LSM14A: variants seen among roughly 807,000 people sequenced by gnomAD.
LSM14A encodes the protein LSM14A mRNA processing body assembly factor, also known as protein LSM14 homolog A.
LSM14A carries 14 observed loss-of-function variants against 52.4 expected under a neutral mutation model. The ratio of observed to expected loss-of-function variants is 0.27; its 90% CI spans 0.18 to 0.42. The LOEUF (loss-of-function observed/expected upper bound fraction) is 0.42, where lower values mean the gene tolerates loss of function less well. LSM14A is among the 10% of genes least tolerant of loss of function. The pLI is 1.00. For synonymous variants in LSM14A, 185 were observed against 200.3 expected (o/e 0.92, Z 0.64); for missense variants, 417 against 581.8 (o/e 0.72, Z 2.91).
chr19:34,174,838 T>C (rs538671148), intron 1 of LSM14A, among the ~76,000 whole-genome samples: 1 of 152,356 alleles, frequency 6.6e-6, no homozygotes, highest in African/African-American at 2.4e-5. Context: ...CTAATCTGAA[T>C]TTAAAAGTGT....
chr19:34,199,836 T>C (rs2071160462), intron 3 of LSM14A, among the ~76,000 whole-genome samples: 1 of 152,244 alleles, frequency 6.6e-6, no homozygotes, highest in Non-Finnish European at 1.5e-5. Context: ...TGCCATTTTC[T>C]AATCTCAGTA....
rs2071928288 is a variant in LSM14A, at chr19:34,209,031, T to A, written c.518T>A (p.Leu173Gln). Residue 173 changes from leucine (L) to glutamine (Q), a missense_variant, in exon 4 of 10, where the codon CTA (leucine) becomes CAA (glutamine). Physicochemically the swap from Leu to Gln is moderately radical, Grantham distance 113. This residue lies in a region of LSM14A where 357 missense variants were observed against 457.0 expected (regional missense o/e 0.78). Coordinates refer to ENST00000544216, the MANE Select transcript of LSM14A (RefSeq NM_015578.4). ...GCCTTTACACAGGATACAAGATCTC[T>A]AAAAACACAGTTATCTCAAGGTAAG... ...GSAFTQDTRS[L>Q]KTQLSQGRSS... 6.3e-7 allele frequency: 1 copy of A among 1,583,770 alleles called. No individual in the cohort carries two copies.
chr19:34,208,887 A>T, intron 3 of LSM14A, 42 bp from the exon 4 acceptor site: 2 of 1,438,886 alleles, frequency 1.4e-6, no homozygotes, highest in Admixed American at 2.4e-5. Context: ...AATGTCAAAC[A>T]TTTTTTAAAA....
At chr19:34,194,346 A>G (rs1446224454) in intron 1 of LSM14A, 132 bp from the exon 2 acceptor site, 1 of 868,724 alleles carries the variant, frequency 1.2e-6, no homozygotes, top group African/African-American at 1.7e-5. Context: ...TTTTTTAGCT[A>G]TAGATTAATG....
chr19:34,219,536 G>T lies in LSM14A; in HGVS notation c.927G>T (p.Glu309Asp). The T allele has an allele frequency of 6.2e-7, 1 of 1,612,386 alleles. No individual in the cohort carries two copies. The highest frequency in any genetic ancestry group is 1.7e-4 in the Middle Eastern group (1 of 6,014). ...ESANAQFNKEEIDREFHNKLK... is the reference protein window; with the variant it reads ...ESANAQFNKEDIDREFHNKLK... Reference sequence around the variant, plus strand: ...CAAATGCACAATTCAACAAGGAAGAGATTGACAGAGAGTTTCATAATAAAC... The same window carrying T: ...CAAATGCACAATTCAACAAGGAAGATATTGACAGAGAGTTTCATAATAAAC... Residue 309 changes from glutamate to aspartate, a missense_variant, in exon 7 of 10, where the codon GAG (glutamate) becomes GAT (aspartate). This residue lies in a region of LSM14A where 357 missense variants were observed against 457.0 expected (regional missense o/e 0.78). Transcript: ENST00000544216.
At chr19:34,197,431 C>CTTTTTTTTTTT (rs531343486) in intron 3 of LSM14A, among the ~76,000 whole-genome samples, 5 of 63,304 alleles carry the variant, frequency 7.9e-5, no homozygotes, top group South Asian at 6.8e-4. Context: ...ATTTCTTTTT[C>CTTTTTTTTTTT]TTTTTTTTTT....
rs370991481 is a variant in LSM14A, at chr19:34,227,432, A to G, written c.*44A>G. Reference sequence around the variant, plus strand: ...AAAATAGGTGAATTTCTAGCTCTTCATGGTCCTGAACATTGATTTCAGTCT... The same window carrying G: ...AAAATAGGTGAATTTCTAGCTCTTCGTGGTCCTGAACATTGATTTCAGTCT... On this transcript the variant is annotated 3_prime_UTR_variant, in exon 10 of 10. Transcript: ENST00000544216. 2.0e-4 allele frequency: 288 copies of G among 1,471,100 alleles called. No individual in the cohort carries two copies. The highest frequency in any genetic ancestry group is 1.3e-5 in the Non-Finnish European group (14 of 1,069,870). The allele number at this position is 1,471,100 out of a possible 1,614,324, so 91.1% of individuals were successfully genotyped here.
chr19:34,209,860 A>T (rs1332457588), intron 4 of LSM14A, among the ~76,000 whole-genome samples: 44 of 127,224 alleles, frequency 3.5e-4, no homozygotes, highest in African/African-American at 9.0e-4. Flanking sequence ...TTTTTTTTTT[A>T]AAGATAGGTC....
At chr19:34,202,330 C>CAA (rs904493119) in intron 3 of LSM14A, among the ~76,000 whole-genome samples, 2 of 128,530 alleles carry the variant, frequency 1.6e-5, no homozygotes, top group African/African-American at 2.9e-5. Context: ...CCTGGCTCTA[C>CAA]AAAAAAAAAA....
At chr19:34,207,822 C>T (rs978942400) in intron 3 of LSM14A, among the ~76,000 whole-genome samples, 1 of 152,120 alleles carries the variant, frequency 6.6e-6, no homozygotes, top group Non-Finnish European at 1.5e-5. Context: ...AGCCACTGCG[C>T]CCGGCCCTAA....
chr19:34,172,806 CGCTCGGGGCT>C (rs764899941), intron 1 of LSM14A, 43 bp downstream of exon 1: 1 of 1,534,174 alleles, frequency 6.5e-7, no homozygotes, highest in Admixed American at 2.2e-5. Context: ...AGCCGGGCGC[CGCTCGGGGCT>C]GCTCCCCGCT....
chr19:34,208,801 T>C lies in LSM14A; in HGVS notation c.416-128T>C, dbSNP rs984698997. ...AGTACACTTTAATTTCCAAGATTAT[T>C]AATTTGTACAGATGCTGGGGGGAGA... On this transcript the variant is annotated intron_variant, in intron 3 of 9. Coordinates refer to ENST00000544216, the MANE Select transcript of LSM14A (RefSeq NM_015578.4). 2.4e-5 allele frequency: 16 copies of C among 664,074 alleles called. No individual in the cohort carries two copies. In the South Asian group the frequency reaches 3.7e-4, roughly 15 times the overall value. 41.1% of individuals were successfully genotyped at this position (664,074 alleles called of 1,614,324 possible).
intron 6 of LSM14A, among the ~76,000 whole-genome samples, chr19:34,216,152 G>A (rs139475114): frequency 0.013 from 1,998 of 152,150 alleles, 46 homozygotes; most frequent in African/African-American, 0.046. Flanking sequence ...AGTGGCTCAC[G>A]CCTGTAATTC....
At chr19:34,178,717 AAAT>A (rs2069256897) in intron 1 of LSM14A, among the ~76,000 whole-genome samples, 1 of 152,214 alleles carries the variant, frequency 6.6e-6, no homozygotes, top group Non-Finnish European at 1.5e-5. Flanking sequence ...GTATACCTCC[AAAT>A]AATGCTTTTC....
At chr19:34,226,016 C>T (rs985726407) in intron 9 of LSM14A, among the ~76,000 whole-genome samples, 6 of 151,688 alleles carry the variant, frequency 4.0e-5, no homozygotes, top group African/African-American at 9.7e-5. Flanking sequence ...GAGCCATGAT[C>T]GCACCACTGC....
At chr19:34,196,599 A>G (rs2070856730) in intron 2 of LSM14A, 35 bp from the exon 3 acceptor site, 1 of 1,553,800 alleles carries the variant, frequency 6.4e-7, no homozygotes, top group African/African-American at 1.4e-5. Flanking sequence ...CATGTTGCTT[A>G]GAGCTTGGAA....
intron 3 of LSM14A, among the ~76,000 whole-genome samples, chr19:34,207,744 C>T (rs2071813383): frequency 6.6e-6 from 1 of 152,164 alleles, no homozygotes; most frequent in Non-Finnish European, 1.5e-5. Context: ...CTGGTCAGGC[C>T]AGTCTTGAAC....
intron 3 of LSM14A, among the ~76,000 whole-genome samples, chr19:34,198,997 C>CA (rs1168010633): frequency 6.0e-5 from 9 of 150,350 alleles, no homozygotes; most frequent in African/African-American, 1.7e-4. Context: ...AATAAAACAA[C>CA]AAAAAAAACC....
intron 3 of LSM14A, among the ~76,000 whole-genome samples, chr19:34,202,047 C>T (rs918130385): frequency 6.6e-6 from 1 of 151,740 alleles, no homozygotes; most frequent in Admixed American, 6.6e-5. Context: ...ATCTCGAACT[C>T]CTGGGTTCAG....
Sources: gnomAD v4.1 joint callset for allele counts (sites outside exome capture counted in the v4.1 genomes callset) on GRCh38, gnomAD v4.1.1 for gene constraint, gnomAD v4.1.1 regional missense constraint, MANE v1.5 for transcripts, NCBI Gene and HGNC (gene_info 2026-07-23, HGNC 2026-07-21) for gene names.